UBE3C: variants seen among roughly 807,000 people sequenced by gnomAD.
UBE3C encodes the protein ubiquitin protein ligase E3C.
UBE3C carries 42 observed loss-of-function variants against 129.4 expected under a neutral mutation model. The ratio of observed to expected loss-of-function variants is 0.32; its 90% CI spans 0.25 to 0.42. The LOEUF (loss-of-function observed/expected upper bound fraction) is 0.42. Among genes scored for constraint, UBE3C ranks in the 10% least tolerant of loss-of-function variants. The pLI is 1.00. For missense variants in UBE3C, 1,049 were observed against 1,319.1 expected, an observed-to-expected ratio of 0.80 and a Z score of 3.17; for synonymous variants, 510 against 492.4, an observed-to-expected ratio of 1.04 and a Z score of -0.47.
chr7:157,141,925 A>G (rs528135579), intron 1 of UBE3C, among the ~76,000 whole-genome samples: 1 of 152,326 alleles, frequency 6.6e-6, no homozygotes, highest in Non-Finnish European at 1.5e-5. Context: ...TTTGGTGCAC[A>G]TAATACTCTT....
chr7:157,207,597 C>T, intron 12 of UBE3C, 42 bp downstream of exon 12: 4 of 1,598,814 alleles, frequency 2.5e-6, no homozygotes, highest in Non-Finnish European at 3.4e-6. Flanking sequence ...GCCACTTGGC[C>T]CATCAGTTTT....
chr7:157,150,803 T>C (rs1807736355), intron 1 of UBE3C, among the ~76,000 whole-genome samples: 1 of 152,220 alleles, frequency 6.6e-6, no homozygotes, highest in Admixed American at 6.5e-5. Flanking sequence ...TTCCATTGAA[T>C]AAAAGAAAGA....
At chr7:157,169,155 G>A (rs763904149) in intron 3 of UBE3C, 33 bp downstream of exon 3, 4 of 1,554,996 alleles carry the variant, frequency 2.6e-6, no homozygotes, top group Middle Eastern at 1.7e-4. Flanking sequence ...AGATTAGTAG[G>A]GCATGGGAGA....
At chr7:157,256,770 G>A in intron 21 of UBE3C, 144 bp from the exon 22 acceptor site, 1 of 963,042 alleles carries the variant, frequency 1.0e-6, no homozygotes, top group Non-Finnish European at 1.6e-6. Flanking sequence ...GTACACAGGT[G>A]ATACACACAT....
At chr7:157,223,495 G>C in intron 16 of UBE3C, 144 bp downstream of exon 16, 1 of 653,340 alleles carries the variant, frequency 1.5e-6, no homozygotes. Flanking sequence ...AAATAGCTAA[G>C]AATGATTTAT....
intron 13 of UBE3C, among the ~76,000 whole-genome samples, chr7:157,215,192 C>T (rs868549114): frequency 2.6e-5 from 4 of 152,204 alleles, no homozygotes; most frequent in East Asian, 1.9e-4. Flanking sequence ...CCAAATTGCT[C>T]GAATAACACT....
At chr7:157,197,880 T>A (rs756385383) in intron 10 of UBE3C, 6 of 1,605,810 alleles carry the variant, frequency 3.7e-6, no homozygotes, top group Non-Finnish European at 5.1e-6. Context: ...TGATTTATCC[T>A]CCTCTTCTGG....
chr7:157,237,894 A>AAAG (rs1256608107), intron 18 of UBE3C, among the ~76,000 whole-genome samples: 6 of 127,532 alleles, frequency 4.7e-5, no homozygotes, highest in South Asian at 2.4e-4. Context: ...CACTAAAAAA[A>AAAG]AAAAAAAAGT....
rs1807365013 is a variant in UBE3C at position 157,139,432 on chromosome 7, G to C, written c.66+94G>C. 7.5e-6 allele frequency: 9 copies of C among 1,203,018 alleles called. No homozygotes were observed. The Admixed American group carries it at 1.7e-4, about 23-fold the overall frequency. 74.5% of individuals were successfully genotyped at this position (1,203,018 alleles called of 1,614,324 possible). A position where few individuals can be genotyped will look rare whatever the true frequency, so the allele number is the denominator to read the frequency against. The stretch of plus-strand genomic sequence containing the variant: ...GGGGCTGGACTCGGGGCTGGACTCG[G>C]GGCCGAGACTTGGGGCTGGATTCGG... On this transcript the variant is annotated intron_variant, in intron 1 of 22. Transcript: ENST00000348165.
chr7:157,204,426 T>C (rs1290393475), intron 11 of UBE3C, among the ~76,000 whole-genome samples: 1 of 124,962 alleles, frequency 8.0e-6, no homozygotes, highest in Non-Finnish European at 1.8e-5. Context: ...AAATTTCAGC[T>C]TCTCTGTTCC....
chr7:157,221,168 AAG>A, intron 15 of UBE3C: 1 of 170,236 alleles, frequency 5.9e-6, no homozygotes, highest in Non-Finnish European at 1.3e-5. Context: ...CATTGGTTGA[AAG>A]ACATTTGGTT....
intron 10 of UBE3C, among the ~76,000 whole-genome samples, chr7:157,187,381 GT>G (rs10637384): frequency 1.1e-4 from 16 of 142,934 alleles, no homozygotes; most frequent in South Asian, 2.2e-4. Context: ...GTTTTATGGG[GT>G]TTTTTTTTTT....
chr7:157,153,606 A>G (rs59950796), intron 1 of UBE3C, among the ~76,000 whole-genome samples: 2,057 of 152,242 alleles, frequency 0.014, 40 homozygotes, highest in African/African-American at 0.047. Context: ...CCAGCCAGAA[A>G]GTCATAATTC....
intron 11 of UBE3C, among the ~76,000 whole-genome samples, chr7:157,205,148 A>G (rs1186091553): frequency 6.6e-6 from 1 of 152,236 alleles, no homozygotes; most frequent in Admixed American, 6.5e-5. Context: ...TGTTTATAGC[A>G]GAAAGAATGG....
chr7:157,164,889 A>C (rs757859886), intron 2 of UBE3C, among the ~76,000 whole-genome samples: 3 of 152,186 alleles, frequency 2.0e-5, no homozygotes, highest in Non-Finnish European at 4.4e-5. Context: ...GATGGTGTTT[A>C]GGGGAAGGGC....
At chr7:157,143,149 G>T (rs1037131380) in intron 1 of UBE3C, among the ~76,000 whole-genome samples, 1 of 152,160 alleles carries the variant, frequency 6.6e-6, no homozygotes, top group African/African-American at 2.4e-5. Context: ...TTACAGGTAT[G>T]AGCCACTGCG....
chr7:157,263,486 A>C (rs1373317438), intron 22 of UBE3C, among the ~76,000 whole-genome samples: 1 of 152,156 alleles, frequency 6.6e-6, no homozygotes, highest in Non-Finnish European at 1.5e-5. Flanking sequence ...CAACATGGCG[A>C]AACCCCATCT....
intron 4 of UBE3C, among the ~76,000 whole-genome samples, chr7:157,171,617 A>C (rs1191973441): frequency 6.9e-6 from 1 of 145,016 alleles, no homozygotes; most frequent in African/African-American, 2.5e-5. Flanking sequence ...GAATATTAAG[A>C]GATTTGTATA....
chr7:157,192,445 A>G (rs2116957272), intron 10 of UBE3C: 3 of 739,336 alleles, frequency 4.1e-6, no homozygotes, highest in Non-Finnish European at 7.5e-6. Flanking sequence ...TAGAAAATGT[A>G]AAGGCCAAGA....
Sources: allele counts gnomAD v4.1 joint callset (sites outside exome capture counted in the v4.1 genomes callset), GRCh38; gene constraint gnomAD v4.1.1; transcripts MANE v1.5; gene names NCBI Gene and HGNC (gene_info 2026-07-23, HGNC 2026-07-21).